MAP3K2: variants seen among roughly 807,000 people sequenced by gnomAD.
MAP3K2 encodes the protein mitogen-activated protein kinase kinase kinase 2.
In MAP3K2, 24 loss-of-function variants were observed where a neutral mutation model predicts 80.3. That is an observed-to-expected ratio of 0.30 (90% CI 0.22 to 0.42). The LOEUF is 0.42. MAP3K2 is among the 10% of genes least tolerant of loss of function. The probability of loss-of-function intolerance (pLI) is 1.00; values close to 1 mark genes in which losing one functional copy is unlikely to be tolerated. For missense variants in MAP3K2, 608 were observed against 750.1 expected, an observed-to-expected ratio of 0.81 and a Z score of 2.21; for synonymous variants, 244 against 253.7, an observed-to-expected ratio of 0.96 and a Z score of 0.36.
chr2:127,333,640 T>C (rs1051387035), intron 5 of MAP3K2, among the ~76,000 whole-genome samples: 2 of 152,078 alleles, frequency 1.3e-5, no homozygotes, highest in Admixed American at 6.5e-5. Flanking sequence ...TTGCAAGAAA[T>C]CTTAAATGTA....
chr2:127,388,107 C>T, upstream of MAP3K2: 1 of 984,590 alleles, frequency 1.0e-6, no homozygotes, highest in South Asian at 4.7e-5. Flanking sequence ...CAGAGGCCCG[C>T]CACGCCCACA....
chr2:127,345,979 G>C (rs774644808), intron 1 of MAP3K2, among the ~76,000 whole-genome samples: 1 of 151,364 alleles, frequency 6.6e-6, no homozygotes, highest in Non-Finnish European at 1.5e-5. Flanking sequence ...TCTGAAACAA[G>C]CTAAAGGAAT....
rs1304710449 is a variant in MAP3K2, at chr2:127,371,526, G to A, written c.-66+15926C>T. ...TTAAGAGACAAATTAGTCACACCCAGGACTGATATCTTGTTACAATTGGCT... is the reference window on the plus strand; with the variant it reads ...TTAAGAGACAAATTAGTCACACCCAAGACTGATATCTTGTTACAATTGGCT... On this transcript the variant is annotated intron_variant, in intron 1 of 16. Transcript: ENST00000682094. 2.6e-5 allele frequency among the ~76,000 whole-genome samples: 4 copies of A among 152,134 alleles called. No homozygotes were observed. The South Asian group carries it at 6.2e-4, about 24-fold the overall frequency.
chr2:127,308,391 G>A (rs1339320551), intron 16 of MAP3K2, among the ~76,000 whole-genome samples, 194 bp downstream of exon 16: 1 of 152,184 alleles, frequency 6.6e-6, no homozygotes, highest in Non-Finnish European at 1.5e-5. Flanking sequence ...ATGGAGGACA[G>A]GTTCAAGGAT....
intron 4 of MAP3K2, among the ~76,000 whole-genome samples, chr2:127,336,988 G>A (rs1487315584): frequency 3.3e-5 from 5 of 152,000 alleles, no homozygotes; most frequent in African/African-American, 7.2e-5. Flanking sequence ...TAAAAAATAC[G>A]AAAATTAGCC....
intron 1 of MAP3K2, among the ~76,000 whole-genome samples, chr2:127,385,204 G>A (rs1002209501): frequency 6.6e-6 from 1 of 152,020 alleles, no homozygotes; most frequent in Admixed American, 6.6e-5. Context: ...CCATCGATGC[G>A]GCAAACTTCA....
Position 127,321,211 on chromosome 2 carries a change from C to T in MAP3K2, c.1045+835G>A. Reference sequence around the variant, plus strand: ...CAAGAAAGGTTAAAATGCAGTTTTTCAGGCAGAAGGAATTTGATACCCAAT... The same window carrying T: ...CAAGAAAGGTTAAAATGCAGTTTTTTAGGCAGAAGGAATTTGATACCCAAT... On this transcript the variant is annotated intron_variant, in intron 12 of 16. Transcript: ENST00000682094. The surrounding 1 kb of genome is among the most constrained non-coding windows in gnomAD (Gnocchi z 4.4). Among the ~76,000 whole-genome samples the T allele has an allele frequency of 6.6e-6, 1 of 152,158 alleles. No individual in the cohort carries two copies. The highest frequency in any genetic ancestry group is 1.9e-4 in the East Asian group (1 of 5,200).
At chr2:127,384,213 G>GATATATATATATATATATAT (rs35560058) in intron 1 of MAP3K2, among the ~76,000 whole-genome samples, 83 of 144,452 alleles carry the variant, frequency 5.7e-4, no homozygotes, top group African/African-American at 1.8e-3. Flanking sequence ...ATTTTTAATT[G>GATATATATATATATATATAT]ATATATATAT....
At chr2:127,382,124 A>C (rs537653824) in intron 1 of MAP3K2, among the ~76,000 whole-genome samples, 211 of 152,352 alleles carry the variant, frequency 1.4e-3, no homozygotes, top group Middle Eastern at 3.4e-3. Context: ...ATGGGTGTAC[A>C]AACCACAAAT....
At chr2:127,357,910 A>AT (rs2104868624) in intron 1 of MAP3K2, among the ~76,000 whole-genome samples, 1 of 152,312 alleles carries the variant, frequency 6.6e-6, no homozygotes, top group South Asian at 2.1e-4. Context: ...ATTTCTTTGC[A>AT]TTTTTTAATG....
intron 1 of MAP3K2, among the ~76,000 whole-genome samples, chr2:127,354,968 C>T (rs1004336956): frequency 1.3e-5 from 2 of 151,882 alleles, no homozygotes; most frequent in South Asian, 2.1e-4. Context: ...AATCAGACAT[C>T]GGAGAAAAAG....
chr2:127,346,160 C>G (rs951044281), intron 1 of MAP3K2, among the ~76,000 whole-genome samples: 1 of 151,652 alleles, frequency 6.6e-6, no homozygotes, highest in Non-Finnish European at 1.5e-5. Flanking sequence ...ATTACACCAA[C>G]CTTTCAGAAA....
intron 12 of MAP3K2, among the ~76,000 whole-genome samples, chr2:127,319,155 T>G (rs1400615963): frequency 6.6e-6 from 1 of 151,042 alleles, no homozygotes; most frequent in Admixed American, 6.6e-5. Context: ...AACGAGAGCC[T>G]TCAGCCGCTG....
chr2:127,319,824 A>G (rs1452631590), intron 12 of MAP3K2, among the ~76,000 whole-genome samples: 3 of 150,732 alleles, frequency 2.0e-5, no homozygotes, highest in Non-Finnish European at 3.0e-5. Context: ...GGGCAACAAG[A>G]GTGAAACTCC....
At chr2:127,345,848 T>C (rs780740312) in intron 1 of MAP3K2, among the ~76,000 whole-genome samples, 20 of 152,052 alleles carry the variant, frequency 1.3e-4, no homozygotes, top group Non-Finnish European at 2.8e-4. Flanking sequence ...ACAAAATGTA[T>C]TGGATGCATC....
At chr2:127,376,918 T>C (rs1438515933) in intron 1 of MAP3K2, among the ~76,000 whole-genome samples, 1 of 151,668 alleles carries the variant, frequency 6.6e-6, no homozygotes, top group African/African-American at 2.4e-5. Context: ...TAAAAATTAG[T>C]TGGGTATAAT....
chr2:127,323,376 A>C (rs992476126), intron 11 of MAP3K2, among the ~76,000 whole-genome samples: 1 of 139,488 alleles, frequency 7.2e-6, no homozygotes, highest in Admixed American at 7.1e-5. Context: ...AAAAAAAAAA[A>C]AGAAAGAAAG....
chr2:127,387,461 C>T lies in MAP3K2; in HGVS notation c.-75G>A. The T allele has an allele frequency of 1.0e-6, 1 of 986,110 alleles. No homozygotes were observed. Among genetic ancestry groups the T allele is most frequent in the Non-Finnish European group, 1.2e-6 (1 of 830,796 alleles). 61.1% of individuals were successfully genotyped at this position (986,110 alleles called of 1,614,324 possible). A position where few individuals can be genotyped will look rare whatever the true frequency, so the allele number is the denominator to read the frequency against. ...GCACACACGCACGTACCGGCTGCTC[C>T]GCAGGGACGTAGAGAGCCGCAGGCC... On this transcript the variant is annotated 5_prime_UTR_variant, in exon 1 of 17. Coordinates refer to ENST00000682094, the MANE Select transcript of MAP3K2 (RefSeq NM_001371910.2).
chr2:127,330,552 T>C, intron 5 of MAP3K2, 47 bp from the exon 6 acceptor site: 1 of 883,318 alleles, frequency 1.1e-6, no homozygotes, highest in Non-Finnish European at 1.8e-6. Context: ...CCAGGTCAAG[T>C]TCTTCCATGA....
Sources: allele counts gnomAD v4.1 joint callset (sites outside exome capture counted in the v4.1 genomes callset), GRCh38; gene constraint gnomAD v4.1.1; non-coding constraint Gnocchi (gnomAD v3.1); transcripts MANE v1.5; gene names NCBI Gene and HGNC (gene_info 2026-07-23, HGNC 2026-07-21).